The following EPHA3 variants were observed in gnomAD, a reference collection of about 807,000 sequenced individuals.
EPHA3 encodes the protein EPH receptor A3.
Under a neutral mutation model 107.1 loss-of-function variants are expected in EPHA3, and 42 were observed. That is an observed-to-expected ratio of 0.39 (90% CI 0.31 to 0.51). The LOEUF (loss-of-function observed/expected upper bound fraction) is 0.51. EPHA3 is among the 20% of genes least tolerant of loss of function. EPHA3 has a pLI of 0.78. For missense variants in EPHA3, 1,183 were observed against 1,211.2 expected (o/e 0.98, Z 0.35); for synonymous variants, 461 against 424.8 (o/e 1.09, Z -1.05).
chr3:89,422,631 T>C (rs2107529256), intron 11 of EPHA3, among the ~76,000 whole-genome samples: 1 of 151,532 alleles, frequency 6.6e-6, no homozygotes, highest in East Asian at 1.9e-4. Flanking sequence ...CAAAGAACTG[T>C]GCAAATCTAA....
At chr3:89,250,351 A>G (rs1356335309) in intron 3 of EPHA3, among the ~76,000 whole-genome samples, 1 of 152,162 alleles carries the variant, frequency 6.6e-6, no homozygotes, top group Non-Finnish European at 1.5e-5. Flanking sequence ...CCCTTTTCCC[A>G]TATCTTCCAT....
intron 11 of EPHA3, among the ~76,000 whole-genome samples, chr3:89,426,561 G>A (rs1323738401): frequency 1.3e-5 from 2 of 151,746 alleles, no homozygotes; most frequent in Non-Finnish European, 3.0e-5. Flanking sequence ...ATGGGGCTTT[G>A]ACTTAATTGA....
chr3:89,264,484 G>A (rs1705491324), intron 3 of EPHA3, among the ~76,000 whole-genome samples: 2 of 152,044 alleles, frequency 1.3e-5, no homozygotes, highest in Admixed American at 6.6e-5. Context: ...CAGTGAAATC[G>A]TACTCATTTT....
chr3:89,129,465 A>G (rs531295779), intron 2 of EPHA3, among the ~76,000 whole-genome samples: 41 of 152,302 alleles, frequency 2.7e-4, no homozygotes, highest in African/African-American at 9.6e-4. Context: ...AAGCTAAAAA[A>G]AAGAATAAAA....
intron 3 of EPHA3, among the ~76,000 whole-genome samples, chr3:89,273,329 G>C (rs1476861824): frequency 6.6e-6 from 1 of 151,838 alleles, no homozygotes; most frequent in Non-Finnish European, 1.5e-5. Context: ...TATTTTCTTT[G>C]TTGCCATTTC....
chr3:89,356,594 C>A (rs1307380952), intron 5 of EPHA3, among the ~76,000 whole-genome samples: 1 of 151,002 alleles, frequency 6.6e-6, no homozygotes, highest in Admixed American at 6.6e-5. Flanking sequence ...TTTTCAAAAT[C>A]GCAATTCATA....
intron 3 of EPHA3, among the ~76,000 whole-genome samples, chr3:89,223,466 T>C (rs1350305692): frequency 6.6e-6 from 1 of 152,216 alleles, no homozygotes; most frequent in Non-Finnish European, 1.5e-5. Context: ...ATTGTTCATA[T>C]TGGCTAGTCG....
chr3:89,299,445 C>T (rs753719847), intron 3 of EPHA3, among the ~76,000 whole-genome samples: 1 of 151,676 alleles, frequency 6.6e-6, no homozygotes, highest in Non-Finnish European at 1.5e-5. Flanking sequence ...AAAAATGTAA[C>T]ATCCATAGCC....
chr3:89,356,306 G>A (rs1707954997), intron 5 of EPHA3, among the ~76,000 whole-genome samples: 1 of 150,884 alleles, frequency 6.6e-6, no homozygotes, highest in South Asian at 2.1e-4. Context: ...GTGTGCATGT[G>A]TCTTTATAGC....
At chr3:89,182,890 T>C (rs1163516014) in intron 2 of EPHA3, among the ~76,000 whole-genome samples, 1 of 151,924 alleles carries the variant, frequency 6.6e-6, no homozygotes, top group Non-Finnish European at 1.5e-5. Flanking sequence ...AATCACATGG[T>C]ATATATTACA....
In EPHA3 at chr3:89,481,354, T is replaced by C; in HGVS notation, c.*1852T>C. 1 of 232,236 alleles carries C rather than the reference T, an allele frequency of 4.3e-6. No individual in the cohort carries two copies. The highest frequency in any genetic ancestry group is 6.1e-5 in the East Asian group (1 of 16,366). The allele number at this position is 232,236 out of a possible 1,614,324, so 14.4% of individuals were successfully genotyped here. On this transcript the variant is annotated 3_prime_UTR_variant, in exon 17 of 17. Coordinates refer to ENST00000336596, the MANE Select transcript of EPHA3 (RefSeq NM_005233.6). Reference sequence around the variant, plus strand: ...TATTGGATATATAAGAGCATGAAATTTTTAAAAATACACTTGTGATTATAA... The same window carrying C: ...TATTGGATATATAAGAGCATGAAATCTTTAAAAATACACTTGTGATTATAA...
At chr3:89,135,815 A>G (rs1704298187) in intron 2 of EPHA3, among the ~76,000 whole-genome samples, 1 of 151,890 alleles carries the variant, frequency 6.6e-6, no homozygotes, top group Non-Finnish European at 1.5e-5. Context: ...ATTGATTGTT[A>G]TCAAGGGGAA....
intron 3 of EPHA3, among the ~76,000 whole-genome samples, chr3:89,272,492 C>T (rs1397099955): frequency 6.6e-6 from 1 of 151,874 alleles, no homozygotes; most frequent in East Asian, 1.9e-4. Context: ...GTTAAAGTGT[C>T]AAGAAATTTT....
At chr3:89,428,683 C>T (rs760835333) in intron 11 of EPHA3, among the ~76,000 whole-genome samples, 10 of 152,036 alleles carry the variant, frequency 6.6e-5, no homozygotes, top group South Asian at 2.1e-4. Context: ...GTGCCCTACA[C>T]GTATATATGT....
At chr3:89,381,308 T>C (rs1405982417) in intron 5 of EPHA3, among the ~76,000 whole-genome samples, 2 of 151,636 alleles carry the variant, frequency 1.3e-5, no homozygotes, top group Non-Finnish European at 2.9e-5. Context: ...AAGTTAAACA[T>C]CAAAGAGTGC....
intron 3 of EPHA3, among the ~76,000 whole-genome samples, chr3:89,227,459 G>A (rs1704527905): frequency 6.6e-6 from 1 of 151,962 alleles, no homozygotes; most frequent in Non-Finnish European, 1.5e-5. Context: ...TATTTCTTGA[G>A]TAAATATTAA....
intron 3 of EPHA3, among the ~76,000 whole-genome samples, chr3:89,250,656 T>C (rs1705141011): frequency 6.6e-6 from 1 of 152,214 alleles, no homozygotes; most frequent in East Asian, 1.9e-4. Flanking sequence ...TTCAACAAAC[T>C]GGATGTAATA....
intron 8 of EPHA3, among the ~76,000 whole-genome samples, chr3:89,407,598 C>T (rs1418660383): frequency 1.3e-5 from 2 of 152,014 alleles, no homozygotes; most frequent in East Asian, 1.9e-4. Flanking sequence ...TTAACATACA[C>T]CCCTCCTCTT....
chr3:89,287,960 A>T (rs1706128562), intron 3 of EPHA3, among the ~76,000 whole-genome samples: 1 of 152,108 alleles, frequency 6.6e-6, no homozygotes, highest in African/African-American at 2.4e-5. Context: ...GTGTTAATAT[A>T]AGTCAGATTA....
Sources: gnomAD v4.1 joint callset for allele counts (sites outside exome capture counted in the v4.1 genomes callset) on GRCh38, gnomAD v4.1.1 for gene constraint, MANE v1.5 for transcripts, NCBI Gene and HGNC (gene_info 2026-07-23, HGNC 2026-07-21) for gene names.